The following STT3A variants were observed in gnomAD, a reference collection of about 807,000 sequenced individuals.
The protein encoded by STT3A is STT3 oligosaccharyltransferase complex catalytic subunit A.
A neutral mutation model predicts 89.2 loss-of-function variants in STT3A; 34 were observed. The ratio of observed to expected loss-of-function variants is 0.38; its 90% CI spans 0.29 to 0.51. The LOEUF (loss-of-function observed/expected upper bound fraction) is 0.51, where lower values mean the gene tolerates loss of function less well. STT3A is among the 20% of genes least tolerant of loss of function. The probability of loss-of-function intolerance (pLI) is 0.89; values close to 1 mark genes in which losing one functional copy is unlikely to be tolerated. For missense variants in STT3A, 555 were observed against 889.5 expected, an observed-to-expected ratio of 0.62 and a Z score of 4.78; for synonymous variants, 282 against 310.3, an observed-to-expected ratio of 0.91 and a Z score of 0.96.
chr11:125,592,498 C>G (rs983271809), upstream of STT3A: 1 of 455,636 alleles, frequency 2.2e-6, no homozygotes, highest in Non-Finnish European at 4.4e-6. Flanking sequence ...GCGTAGTTTC[C>G]GCTTCTTGTC....
In STT3A at chr11:125,602,966, A is replaced by T. The variant is rs1386596518; in HGVS notation, c.417+18A>T. On this transcript the variant is annotated intron_variant, in intron 5 of 17. Coordinates refer to ENST00000392708, the MANE Select transcript of STT3A (RefSeq NM_152713.5). ...AGCTCAAGGTGAAGGATTTGGGGTG[A>T]CAGGAGGCTTGGGAATGAATGTTAT... is the stretch of plus-strand genomic sequence containing the variant. 2 of 1,613,540 alleles carry T rather than the reference A, an allele frequency of 1.2e-6. No individual in the cohort carries two copies. Among genetic ancestry groups the T allele is most frequent in the Admixed American group, 3.3e-5 (2 of 59,934 alleles).
intron 17 of STT3A, among the ~76,000 whole-genome samples, chr11:125,620,516 ATC>A (rs1940317186): frequency 6.6e-6 from 1 of 152,220 alleles, no homozygotes; most frequent in South Asian, 2.1e-4. Flanking sequence ...ATAGGAGTAT[ATC>A]TCTCATATAA....
intron 3 of STT3A, among the ~76,000 whole-genome samples, chr11:125,598,034 A>C (rs1465084521): frequency 6.6e-6 from 1 of 152,206 alleles, no homozygotes; most frequent in Non-Finnish European, 1.5e-5. Flanking sequence ...CAACATAGTA[A>C]AACCCCATCT....
intron 10 of STT3A, among the ~76,000 whole-genome samples, chr11:125,610,382 T>TA (rs1200406077): frequency 6.6e-6 from 1 of 152,192 alleles, no homozygotes; most frequent in African/African-American, 2.4e-5. Context: ...ACTTTTTTCT[T>TA]ACTGTGAAAG....
intron 8 of STT3A, 134 bp from the exon 9 acceptor site, chr11:125,607,975 T>A: frequency 2.4e-6 from 2 of 836,670 alleles, no homozygotes; most frequent in Non-Finnish European, 3.6e-6. Flanking sequence ...CTTCCCTAGA[T>A]TGGCCCTGAT....
rs748004653 is a variant in STT3A, at chr11:125,618,534, C to T, written c.1936C>T (p.Arg646Cys). 3.1e-6 allele frequency: 5 copies of T among 1,613,324 alleles called. No homozygotes were observed. The highest frequency in any genetic ancestry group is 4.2e-6 in the Non-Finnish European group (5 of 1,179,800). The stretch of plus-strand genomic sequence containing the variant: ...CCTCATGTACAAGATGTGTTACTAT[C>T]GCTTTGGACAGGTTTACACAGAAGC... ...NCLMYKMCYY[R>C]FGQVYTEAKR... is the part of the protein sequence containing the mutation. Residue 646 changes from arginine (R) to cysteine (C), a missense_variant, in exon 16 of 18, where the codon CGC becomes TGC. This residue lies in a region of STT3A where 273 missense variants were observed against 449.8 expected (regional missense o/e 0.61). Transcript: ENST00000392708.
At position 125,606,389 on chromosome 11, in the gene STT3A, G is replaced by A. The variant is rs188651061; in HGVS notation, c.704G>A (p.Arg235Gln). ...ATGCTCACAGGCCGTTTCTCTCACC[G>A]GATCTATGTGGCCTACTGTACTGTT... The part of the protein sequence containing the change: ...VLMLTGRFSH[R>Q]IYVAYCTVYC... Residue 235 changes from arginine (R) to glutamine (Q), a missense_variant, in exon 8 of 18, where the codon CGG (arginine) becomes CAG (glutamine). Around this residue, in one of 5 missense-constraint regions of STT3A, gnomAD observed 149 missense variants for 206.2 expected, o/e 0.72. Coordinates refer to ENST00000392708, the MANE Select transcript of STT3A (RefSeq NM_152713.5). The A allele has an allele frequency of 6.8e-6, 11 of 1,614,106 alleles. No homozygotes were observed. The Admixed American group carries it at 1.3e-4, about 20-fold the overall frequency.
intron 12 of STT3A, 70 bp downstream of exon 12, chr11:125,612,817 C>T (rs571940900): frequency 8.3e-6 from 13 of 1,568,876 alleles, no homozygotes; most frequent in African/African-American, 2.7e-5. Context: ...ATGTGGGCAG[C>T]GGGGGGTGGG....
intron 16 of STT3A, among the ~76,000 whole-genome samples, chr11:125,619,675 T>C (rs1940289866): frequency 6.6e-6 from 1 of 152,182 alleles, no homozygotes; most frequent in South Asian, 2.1e-4. Flanking sequence ...TGACTTCTGG[T>C]AGGCTTTTTT....
chr11:125,604,296 C>T (rs906414999), intron 6 of STT3A, 49 bp downstream of exon 6: 4 of 1,579,208 alleles, frequency 2.5e-6, no homozygotes, highest in Non-Finnish European at 1.7e-6. Context: ...CATTATCCAA[C>T]AGAGCTTCAC....
At chr11:125,606,078 T>C in intron 7 of STT3A, 1 of 507,856 alleles carries the variant, frequency 2.0e-6, no homozygotes. Context: ...ATATTTTCTT[T>C]TTTAAAATTT....
rs1246794035 is a variant in STT3A, at chr11:125,613,376, T to C, written c.1554+199T>C. ...TTGTAGTTACTCTTACTAGTAATTATCTAGACTTTGCATGCACACTTTTAT... is the reference window on the plus strand; with the variant it reads ...TTGTAGTTACTCTTACTAGTAATTACCTAGACTTTGCATGCACACTTTTAT... On this transcript the variant is annotated intron_variant, in intron 13 of 17. Coordinates refer to ENST00000392708, the MANE Select transcript of STT3A (RefSeq NM_152713.5). This position sits in a 1 kb window ranked among gnomAD's most constrained non-coding sequence, Gnocchi z 4.2. Among the ~76,000 whole-genome samples, 1 of 152,206 alleles carries C rather than the reference T, an allele frequency of 6.6e-6. No homozygotes were observed. Among genetic ancestry groups the C allele is most frequent in the Non-Finnish European group, 1.5e-5 (1 of 68,040 alleles).
chr11:125,612,916 G>A (rs1205986072), intron 12 of STT3A, 73 bp from the exon 13 acceptor site: 1 of 1,558,178 alleles, frequency 6.4e-7, no homozygotes, highest in East Asian at 2.2e-5. Context: ...ATATGAATGT[G>A]TCTAAGAAGT....
chr11:125,592,684 A>G, upstream of STT3A: 1 of 353,874 alleles, frequency 2.8e-6, no homozygotes, highest in Non-Finnish European at 5.6e-6. Context: ...CTGCCTCTAG[A>G]CTGCTAAGTG....
intron 11 of STT3A, among the ~76,000 whole-genome samples, chr11:125,611,863 ATTTTTTTTTTTTTTT>A (rs59685125): frequency 8.8e-5 from 5 of 56,932 alleles, no homozygotes; most frequent in East Asian, 6.1e-4. Context: ...AGGGATTTGA[ATTTTTTTTTTTTTTT>A]TTTTTTTTTT....
chr11:125,602,506 A>G (rs1437415033), intron 4 of STT3A, 82 bp downstream of exon 4: 2 of 1,407,718 alleles, frequency 1.4e-6, no homozygotes, highest in East Asian at 2.5e-5. Context: ...TTTTATTTCT[A>G]ATAGCTTTGT....
chr11:125,606,078 T>G, intron 7 of STT3A: 1 of 507,856 alleles, frequency 2.0e-6, no homozygotes, highest in Non-Finnish European at 3.4e-6. Context: ...ATATTTTCTT[T>G]TTTAAAATTT....
At chr11:125,620,706 T>C in intron 17 of STT3A, 66 bp from the exon 18 acceptor site, 1 of 1,528,422 alleles carries the variant, frequency 6.5e-7, no homozygotes, top group Non-Finnish European at 9.1e-7. Flanking sequence ...GTGAATCCAT[T>C]TTAGTAGAAA....
intron 8 of STT3A, 124 bp from the exon 9 acceptor site, chr11:125,607,985 T>G: frequency 2.0e-6 from 2 of 1,022,806 alleles, no homozygotes; most frequent in Non-Finnish European, 2.7e-6. Context: ...TTGGCCCTGA[T>G]TCCTTCGGGG....
Sources: gnomAD v4.1 joint callset for allele counts (sites outside exome capture counted in the v4.1 genomes callset) on GRCh38, gnomAD v4.1.1 for gene constraint, gnomAD v4.1.1 regional missense constraint, Gnocchi (gnomAD v3.1) non-coding constraint, MANE v1.5 for transcripts, NCBI Gene and HGNC (gene_info 2026-07-23, HGNC 2026-07-21) for gene names.